Variants in PRAMEF11 observed in about 807,000 individuals in gnomAD.
The protein encoded by PRAMEF11 is PRAME family member 11.
A neutral mutation model predicts 33.6 loss-of-function variants in PRAMEF11; 17 were observed. The observed-to-expected ratio is 0.51, with a 90% CI of 0.35 to 0.76. The LOEUF (loss-of-function observed/expected upper bound fraction) is 0.76, where lower values mean the gene tolerates loss of function less well. Among genes scored for constraint, PRAMEF11 ranks in the 30% least tolerant of loss-of-function variants. The probability of loss-of-function intolerance (pLI) is 0.01; values close to 1 mark genes in which losing one functional copy is unlikely to be tolerated. For missense variants in PRAMEF11, 568 were observed against 567.0 expected (o/e 1.00, Z -0.02); for synonymous variants, 205 against 227.3 (o/e 0.90, Z 0.88).
intron 2 of PRAMEF11, among the ~76,000 whole-genome samples, chr1:12,828,184 C>T (rs1639917072): frequency 6.8e-6 from 1 of 146,910 alleles, no homozygotes; most frequent in Non-Finnish European, 1.5e-5. Context: ...TGGGGTTTAC[C>T]ATGTTGGACA....
At position 12,824,921 on chromosome 1, in the gene PRAMEF11, C is replaced by G. The variant is rs771876059; in HGVS notation, c.*21G>C. On this transcript the variant is annotated 3_prime_UTR_variant, in exon 4 of 4. Coordinates refer to ENST00000619922, the MANE Select transcript of PRAMEF11 (RefSeq NM_001146344.3). Reference sequence around the variant, plus strand: ...TGTCCAGAAGAAAGCGTTTGACATACCCATCCAAATAGGCAGGCATTCAAC... The same window carrying G: ...TGTCCAGAAGAAAGCGTTTGACATAGCCATCCAAATAGGCAGGCATTCAAC... The G allele has an allele frequency of 2.6e-5, 41 of 1,607,776 alleles. 1 individual carries two copies. The highest frequency in any genetic ancestry group is 4.0e-5 in the African/African-American group (3 of 74,388).
intron 1 of PRAMEF11, among the ~76,000 whole-genome samples, chr1:12,831,084 C>A (rs1358845063): frequency 2.0e-5 from 3 of 150,772 alleles, no homozygotes; most frequent in African/African-American, 7.3e-5. Context: ...AAATGATCCT[C>A]CCACTTTGGC....
chr1:12,828,796 G>T lies in PRAMEF11; in HGVS notation c.-7C>A, dbSNP rs758013794. ...TCCGGATGCTCATCTTCATGAATCT[G>T]CAGGGAAAACTTCCAGAGGACAAAC... On this transcript the variant is annotated 5_prime_UTR_variant, in exon 2 of 4. Transcript: ENST00000619922. 10 of 1,609,040 alleles carry T rather than the reference G, an allele frequency of 6.2e-6. 1 individual carries two copies. The highest frequency in any genetic ancestry group is 3.3e-5 in the Admixed American group (2 of 59,722).
rs74544042 is a variant in PRAMEF11, at chr1:12,831,228, A to C, written c.-17+128T>G. ...TTTAGAGGAAAAAATTCAAAGCTTCAAATTGTTCATATGAGAAAAAAAAAG... is the reference window on the plus strand; with the variant it reads ...TTTAGAGGAAAAAATTCAAAGCTTCCAATTGTTCATATGAGAAAAAAAAAG... On this transcript the variant is annotated intron_variant, in intron 1 of 3. Transcript: ENST00000619922. The C allele has an allele frequency of 3.4e-4, 52 of 151,280 alleles. 3 individuals are homozygous for C. The highest frequency in any genetic ancestry group is 9.8e-4 in the East Asian group (5 of 5,094). 9.4% of individuals were successfully genotyped at this position (151,280 alleles called of 1,614,324 possible).
At chr1:12,829,364 C>T (rs1206888132) in intron 1 of PRAMEF11, among the ~76,000 whole-genome samples, 1 of 148,274 alleles carries the variant, frequency 6.7e-6, no homozygotes, top group East Asian at 2.0e-4. Context: ...GTCTTCTTTC[C>T]CTGCCTCCCT....
rs1639825803 is a variant in PRAMEF11, at chr1:12,825,038, T to C, written c.1341A>G (p.Leu447=). The part of the protein sequence containing the change: ...RAELMKKVRH[L]RHPKRILFCT... ...AGAACAAGATCCTCTTGGGGTGCCTTAAGTGCCTCACTTTCTTCATCAGCT... is the reference window on the plus strand; with the variant it reads ...AGAACAAGATCCTCTTGGGGTGCCTCAAGTGCCTCACTTTCTTCATCAGCT... Residue 447 remains leucine, a synonymous_variant, in exon 4 of 4, where the codon TTA becomes TTG. Coordinates refer to ENST00000619922, the MANE Select transcript of PRAMEF11 (RefSeq NM_001146344.3). The C allele has an allele frequency of 6.2e-7, 1 of 1,609,668 alleles. No individual in the cohort carries two copies. The highest frequency in any genetic ancestry group is 1.3e-5 in the African/African-American group (1 of 74,666).
intron 1 of PRAMEF11, among the ~76,000 whole-genome samples, chr1:12,830,795 C>A (rs796798581): frequency 6.6e-6 from 1 of 150,488 alleles, no homozygotes; most frequent in Non-Finnish European, 1.5e-5. Flanking sequence ...TCGACACCAA[C>A]CTGGCCAGCA....
At chr1:12,829,746 G>A (rs1306652500) in intron 1 of PRAMEF11, among the ~76,000 whole-genome samples, 3 of 150,824 alleles carry the variant, frequency 2.0e-5, no homozygotes, top group African/African-American at 4.9e-5. Flanking sequence ...AGTGGTCTCC[G>A]CCTGTAGTCC....
At position 12,827,850 on chromosome 1, in the gene PRAMEF11, A is replaced by G. The variant is rs1639908688; in HGVS notation, c.294-20T>C. 6.2e-7 allele frequency: 1 copy of G among 1,605,782 alleles called. No individual in the cohort carries two copies. The highest frequency in any genetic ancestry group is 1.1e-5 in the South Asian group (1 of 90,454). On this transcript the variant is annotated intron_variant, in intron 2 of 3. Transcript: ENST00000619922. ...CATCTCCTGTGGGAAAATAGAGGTG[A>G]GACTGAGAATTTAAGAACTCATTTC...
intron 2 of PRAMEF11, among the ~76,000 whole-genome samples, chr1:12,828,160 A>G (rs1418934466): frequency 6.7e-6 from 1 of 148,418 alleles, no homozygotes; most frequent in Non-Finnish European, 1.5e-5. Context: ...TAATTTTAGT[A>G]TTTTTAGTAG....
intron 2 of PRAMEF11, 99 bp from the exon 3 acceptor site, chr1:12,827,929 C>T: frequency 1.3e-6 from 2 of 1,578,500 alleles, no homozygotes. Context: ...TGCTTGTTGT[C>T]CCTCTCTCTG....
Position 12,827,674 on chromosome 1 carries a change from A to C in PRAMEF11, c.450T>G (p.Thr150=), listed in dbSNP as rs754290736. The change falls in exon 3 of 4, where the codon ACT becomes ACG. Residue 150 remains threonine, a synonymous_variant. Transcript: ENST00000619922. ...CPRMRGRQPL[T]VFVELWLKNR... ...TCTTGAGCCAAAGTTCTACAAACACAGTCAAGGGCTGCCGTCCTCTCATCC... is the reference window on the plus strand; with the variant it reads ...TCTTGAGCCAAAGTTCTACAAACACCGTCAAGGGCTGCCGTCCTCTCATCC... 6.2e-7 allele frequency: 1 copy of C among 1,609,738 alleles called. No individual in the cohort carries two copies. Among genetic ancestry groups the C allele is most frequent in the East Asian group, 2.3e-5 (1 of 44,408 alleles).
Position 12,827,767 on chromosome 1 carries a change from A to C in PRAMEF11, c.357T>G (p.Ser119=). The C allele has an allele frequency of 1.2e-6, 2 of 1,609,342 alleles. No homozygotes were observed. The highest frequency in any genetic ancestry group is 8.5e-7 in the Non-Finnish European group (1 of 1,178,358). The change falls in exon 3 of 4, where the codon TCT becomes TCG. Residue 119 remains serine, a synonymous_variant. Coordinates refer to ENST00000619922, the MANE Select transcript of PRAMEF11 (RefSeq NM_001146344.3). The stretch of plus-strand genomic sequence containing the variant: ...GGAAGCACCCATGGGCCATAGCTTC[A>C]GACCAAACCATCCAGAAGTTCTCAC... ...DVCENFWMVW[S]EAMAHGCFLN...
chr1:12,826,784 T>C (rs1639878344), intron 3 of PRAMEF11, among the ~76,000 whole-genome samples: 1 of 149,574 alleles, frequency 6.7e-6, no homozygotes, highest in African/African-American at 2.5e-5. Context: ...TTATCTTGTT[T>C]GATTTTACTT....
chr1:12,828,521 A>G lies in PRAMEF11; in HGVS notation c.269T>C (p.Leu90Pro). Residue 90 changes from leucine (L) to proline (P), a missense_variant, in exon 2 of 4, where the codon CTG becomes CCG. By Grantham distance (98) the Leu-to-Pro change is moderately conservative. Coordinates refer to ENST00000619922, the MANE Select transcript of PRAMEF11 (RefSeq NM_001146344.3). ...FQAVLDGLDA[L>P]LTQGVRPRRW... ...CCTGGGACGAACCCCTTGGGTAAGC[A>G]GTGCATCCAGCCCATCGAGCACAGC... The G allele has an allele frequency of 1.9e-6, 3 of 1,600,812 alleles. No individual in the cohort carries two copies. Among genetic ancestry groups the G allele is most frequent in the Non-Finnish European group, 2.6e-6 (3 of 1,173,140 alleles).
chr1:12,826,189 C>T (rs896866977), intron 3 of PRAMEF11, among the ~76,000 whole-genome samples: 1 of 151,094 alleles, frequency 6.6e-6, no homozygotes. Context: ...GGGCAGGCTG[C>T]AGGCGTCCCT....
rs775590806 is a variant in PRAMEF11, at chr1:12,827,434, C to G, written c.690G>C (p.Leu230=). The G allele has an allele frequency of 2.5e-6, 4 of 1,608,394 alleles. No homozygotes were observed. The highest frequency in any genetic ancestry group is 1.3e-5 in the African/African-American group (1 of 74,784). Residue 230 remains leucine, a synonymous_variant, in exon 3 of 4, where the codon CTG becomes CTC. Transcript: ENST00000619922. Reference sequence around the variant, plus strand: ...GCTTCTGAAGATTCCTCAAGTGGCCCAGGTATGGGGTAAACTGTGTCAGGA... The same window carrying G: ...GCTTCTGAAGATTCCTCAAGTGGCCGAGGTATGGGGTAAACTGTGTCAGGA... ...LPILTQFTPY[L]GHLRNLQKLV...
chr1:12,829,126 G>T (rs575156240), intron 1 of PRAMEF11, among the ~76,000 whole-genome samples: 2 of 146,110 alleles, frequency 1.4e-5, no homozygotes, highest in Non-Finnish European at 3.1e-5. Context: ...ATTACTTAAG[G>T]TTCTAAAACA....
At position 12,825,202 on chromosome 1, in the gene PRAMEF11, A is replaced by G; in HGVS notation, c.1177T>C (p.Cys393Arg). Residue 393 changes from cysteine (C) to arginine (R), a missense_variant, in exon 4 of 4, where the codon TGC becomes CGC. Physicochemically the swap from Cys to Arg is radical, Grantham distance 180 (BLOSUM62 -3). Around this residue, in one of 3 missense-constraint regions of PRAMEF11, gnomAD observed 174 missense variants for 127.2 expected, o/e 1.37. Transcript: ENST00000619922. ...AGCAGGTTCTCCAGGGTGGCCATGCAGATGGGATTTCCACAGAAGCTGAAG... is the reference window on the plus strand; with the variant it reads ...AGCAGGTTCTCCAGGGTGGCCATGCGGATGGGATTTCCACAGAAGCTGAAG... ...NTFSFCGNPI[C>R]MATLENLLSH... 1 of 1,608,074 alleles carries G rather than the reference A, an allele frequency of 6.2e-7. No homozygotes were observed. The highest frequency in any genetic ancestry group is 1.1e-5 in the South Asian group (1 of 90,380).
Sources: gnomAD v4.1 joint callset for allele counts (sites outside exome capture counted in the v4.1 genomes callset) on GRCh38, gnomAD v4.1.1 for gene constraint, gnomAD v4.1.1 regional missense constraint, MANE v1.5 for transcripts, NCBI Gene and HGNC (gene_info 2026-07-23, HGNC 2026-07-21) for gene names.